SDK1: variants seen among roughly 807,000 people sequenced by gnomAD.
The protein encoded by SDK1 is sidekick cell adhesion molecule 1.
In SDK1, 157 loss-of-function variants were observed where a neutral mutation model predicts 245.5. The ratio of observed to expected loss-of-function variants is 0.64; its 90% CI spans 0.56 to 0.73. The LOEUF is 0.73. Among genes scored for constraint, SDK1 ranks in the 30% least tolerant of loss-of-function variants. The pLI is 0.00. For synonymous variants in SDK1, 1,647 were observed against 1,278.5 expected (o/e 1.29, Z -6.15); for missense variants, 3,583 against 3,002.3 (o/e 1.19, Z -4.52).
Position 4,165,815 on chromosome 7 carries a change from C to A in SDK1, c.4800+3959C>A, listed in dbSNP as rs182251611. ...TTGTGTTTTCTTTTAAAGACAGGGT[C>A]TTTCCCTGTCACCCAGGTTGGAGTG... On this transcript the variant is annotated intron_variant, in intron 32 of 44. Coordinates refer to ENST00000404826, the MANE Select transcript of SDK1 (RefSeq NM_152744.4). Among the ~76,000 whole-genome samples the A allele has an allele frequency of 2.0e-4, 30 of 151,652 alleles. No homozygotes were observed. In the East Asian group the frequency reaches 5.5e-3, roughly 28 times the overall value.
At chr7:3,690,797 T>C (rs1307346910) in intron 4 of SDK1, among the ~76,000 whole-genome samples, 5 of 152,234 alleles carry the variant, frequency 3.3e-5, no homozygotes, top group Non-Finnish European at 5.9e-5. Flanking sequence ...AAAAACCATA[T>C]GACTTGTCTT....
chr7:3,832,117 A>G (rs554770270), intron 5 of SDK1, among the ~76,000 whole-genome samples: 50 of 152,338 alleles, frequency 3.3e-4, no homozygotes, highest in African/African-American at 1.2e-3. Context: ...ACAAGAGGCC[A>G]TAAGGTCAGT....
chr7:3,975,999 G>A (rs1378577027), intron 13 of SDK1, among the ~76,000 whole-genome samples: 5 of 17,436 alleles, frequency 2.9e-4, no homozygotes, highest in East Asian at 1.8e-3. Flanking sequence ...CCGGGGCTGA[G>A]GCTGCCACGC....
chr7:3,998,318 G>A (rs530909769), intron 14 of SDK1, among the ~76,000 whole-genome samples: 1 of 152,390 alleles, frequency 6.6e-6, no homozygotes, highest in South Asian at 2.1e-4. Flanking sequence ...GCGGCAGGCT[G>A]TCTAGAGCAG....
intron 4 of SDK1, among the ~76,000 whole-genome samples, chr7:3,676,073 C>A (rs1783883573): frequency 6.6e-6 from 1 of 152,214 alleles, no homozygotes; most frequent in African/African-American, 2.4e-5. Context: ...TCAAGCGATT[C>A]TTCCACCTCA....
chr7:4,085,138 C>T (rs966533780), intron 22 of SDK1, among the ~76,000 whole-genome samples: 1 of 152,158 alleles, frequency 6.6e-6, no homozygotes, highest in Non-Finnish European at 1.5e-5. Flanking sequence ...CGATTATCTT[C>T]TTTATCCTCC....
intron 1 of SDK1, among the ~76,000 whole-genome samples, chr7:3,581,727 C>G (rs1373082014): frequency 2.0e-5 from 3 of 152,140 alleles, no homozygotes; most frequent in Admixed American, 6.5e-5. Flanking sequence ...TTCACAATAG[C>G]AAAGACATGG....
intron 5 of SDK1, among the ~76,000 whole-genome samples, chr7:3,855,176 C>T (rs1001791876): frequency 6.6e-6 from 1 of 152,036 alleles, no homozygotes; most frequent in African/African-American, 2.4e-5. Flanking sequence ...AGAGCACATC[C>T]AGGTCCTTCT....
intron 4 of SDK1, among the ~76,000 whole-genome samples, chr7:3,801,997 C>A (rs12531980): frequency 6.6e-6 from 1 of 152,058 alleles, no homozygotes; most frequent in South Asian, 2.1e-4. Context: ...TTCTTTTCTT[C>A]AGCAGAGCTG....
chr7:3,629,412 A>G (rs1018141584), intron 2 of SDK1, among the ~76,000 whole-genome samples: 4 of 152,216 alleles, frequency 2.6e-5, no homozygotes, highest in Non-Finnish European at 5.9e-5. Context: ...TCGTCAGCAC[A>G]TTCATGTGAG....
intron 1 of SDK1, among the ~76,000 whole-genome samples, chr7:3,541,772 C>T (rs1246317022): frequency 6.6e-6 from 1 of 152,122 alleles, no homozygotes; most frequent in Non-Finnish European, 1.5e-5. Context: ...AGACATCACC[C>T]CAATGCATGA....
At position 3,368,736 on chromosome 7, in the gene SDK1, C is replaced by G. The variant is rs529540894; in HGVS notation, c.298+66852C>G. On this transcript the variant is annotated intron_variant, in intron 1 of 44. Coordinates refer to ENST00000404826, the MANE Select transcript of SDK1 (RefSeq NM_152744.4). ...TCTGTGCCACCTCTGTCTTCCCACT[C>G]TATTCCAAACCTCCTGGGCTGGTAG... Among the ~76,000 whole-genome samples, 6 of 152,288 alleles carry G rather than the reference C, an allele frequency of 3.9e-5. 1 individual carries two copies. Among genetic ancestry groups the G allele is most frequent in the African/African-American group, 7.2e-5 (3 of 41,560 alleles).
chr7:4,010,526 CT>C (rs1420836277), intron 14 of SDK1, among the ~76,000 whole-genome samples: 1 of 152,212 alleles, frequency 6.6e-6, no homozygotes, highest in Non-Finnish European at 1.5e-5. Flanking sequence ...CTTTATCATG[CT>C]CATTTCCTCT....
Position 4,103,108 on chromosome 7 carries a change from C to T in SDK1, c.3325-7555C>T, listed in dbSNP as rs575413422. Among the ~76,000 whole-genome samples the T allele has an allele frequency of 4.6e-5, 7 of 151,622 alleles. No homozygotes were observed. The South Asian group carries it at 8.3e-4, about 18-fold the overall frequency. On this transcript the variant is annotated intron_variant, in intron 22 of 44. Coordinates refer to ENST00000404826, the MANE Select transcript of SDK1 (RefSeq NM_152744.4). The stretch of plus-strand genomic sequence containing the variant: ...CTCCGCCTGCCGGGCTCACGCCATT[C>T]TCCTGCCTCAGCCTCCAGAGTAGCT...
chr7:3,907,468 C>T lies in SDK1; in HGVS notation c.848-43455C>T, dbSNP rs1386250556. Among the ~76,000 whole-genome samples the T allele has an allele frequency of 7.2e-5, 11 of 152,270 alleles. No homozygotes were observed. The East Asian group carries it at 2.1e-3, about 29-fold the overall frequency. Reference sequence around the variant, plus strand: ...AAACTCATTGCTTTTTGTGGCTGAACACTATTTCATTATCTGACATACCAC... The same window carrying T: ...AAACTCATTGCTTTTTGTGGCTGAATACTATTTCATTATCTGACATACCAC... On this transcript the variant is annotated intron_variant, in intron 5 of 44. Transcript: ENST00000404826.
Position 3,932,638 on chromosome 7 carries a change from G to A in SDK1, c.848-18285G>A, listed in dbSNP as rs554933532. Among the ~76,000 whole-genome samples the A allele has an allele frequency of 4.4e-3, 666 of 152,216 alleles. 8 individuals are homozygous for A. The highest frequency in any genetic ancestry group is 5.1e-3 in the Non-Finnish European group (345 of 68,016). On this transcript the variant is annotated intron_variant, in intron 5 of 44. Transcript: ENST00000404826. ...CACCCAAGGGTAAGTCTGATATAGC[G>A]GTTTCTAACAAAATGAAAAGAGATG...
At chr7:3,591,802 A>G (rs1420602798) in intron 1 of SDK1, among the ~76,000 whole-genome samples, 2 of 152,226 alleles carry the variant, frequency 1.3e-5, no homozygotes, top group Non-Finnish European at 2.9e-5. Context: ...TTTTTAAAGT[A>G]CTTGCAAAAT....
chr7:3,418,776 C>G (rs1779453434), intron 1 of SDK1, among the ~76,000 whole-genome samples: 2 of 152,144 alleles, frequency 1.3e-5, no homozygotes, highest in African/African-American at 2.4e-5. Context: ...CACTCAAGAC[C>G]TTAGGCAAGT....
chr7:3,549,764 C>A (rs1366186162), intron 1 of SDK1, among the ~76,000 whole-genome samples: 1 of 152,242 alleles, frequency 6.6e-6, no homozygotes, highest in African/African-American at 2.4e-5. Context: ...TAATGCACGT[C>A]AAGGCACTGT....
Sources: allele counts gnomAD v4.1 joint callset (sites outside exome capture counted in the v4.1 genomes callset), GRCh38; gene constraint gnomAD v4.1.1; transcripts MANE v1.5; gene names NCBI Gene and HGNC (gene_info 2026-07-23, HGNC 2026-07-21).